The following OR10J1 variants were observed in gnomAD, a reference collection of about 807,000 sequenced individuals.
OR10J1 encodes the protein olfactory receptor 10J1.
For missense variants in OR10J1, 474 were observed against 376.6 expected, an observed-to-expected ratio of 1.26 and a Z score of -2.14; for synonymous variants, 202 against 143.8, an observed-to-expected ratio of 1.40 and a Z score of -2.89.
chr1:159,420,235 T>C, the OR10J1 span, among the ~76,000 whole-genome samples: 12 of 152,310 alleles, frequency 7.9e-5, 1 homozygote, highest in South Asian at 2.1e-3. Context: ...ATAATTTTCA[T>C]AGGCAGCATA....
the OR10J1 span, among the ~76,000 whole-genome samples, chr1:159,418,354 C>T: frequency 6.6e-6 from 1 of 152,222 alleles, no homozygotes; most frequent in Non-Finnish European, 1.5e-5. Flanking sequence ...CCAGGGACCC[C>T]TGTTATGCAC....
upstream of OR10J1, among the ~76,000 whole-genome samples, chr1:159,436,822 C>T (rs1655750315): frequency 3.3e-5 from 5 of 152,120 alleles, no homozygotes; most frequent in Admixed American, 3.3e-4. Context: ...TTTACCTATA[C>T]AATGTAATTT....
Position 159,440,334 on chromosome 1 carries a change from C to T in OR10J1, c.543C>T (p.Arg181=), listed in dbSNP as rs764179544. 15 of 1,614,048 alleles carry T rather than the reference C, an allele frequency of 9.3e-6. No homozygotes were observed. Among genetic ancestry groups the T allele is most frequent in the Admixed American group, 1.7e-5 (1 of 60,004 alleles). ...TGCCCCACTTCTTCTGTGACATCCG[C>T]CCTGTGATGAAGCTCTCCTGCATTG... ...RKVPHFFCDI[R]PVMKLSCIDT... The change falls in exon 1 of 1, where the codon CGC becomes CGT. Residue 181 remains arginine, a synonymous_variant. Transcript: ENST00000423932.
Position 159,439,886 on chromosome 1 carries a change from T to C in OR10J1, c.95T>C (p.Leu32Pro). The change falls in exon 1 of 1, where the codon CTT becomes CCT. Residue 32 changes from leucine (L) to proline (P), a missense_variant. Physicochemically the swap from Leu to Pro is moderately conservative, Grantham distance 98 (BLOSUM62 -3). Transcript: ENST00000423932. ...EQQITLFGVF[L>P]ALYILTLAGN... is the part of the protein sequence containing the mutation. ...CAGATCACCCTTTTTGGCGTGTTCC[T>C]TGCACTATACATCTTAACCTTAGCA... 1 of 1,614,204 alleles carries C rather than the reference T, an allele frequency of 6.2e-7. No homozygotes were observed.
At chr1:159,423,568 ATACTGCAGATT>A in the OR10J1 span, among the ~76,000 whole-genome samples, 1 of 152,228 alleles carries the variant, frequency 6.6e-6, no homozygotes, top group African/African-American at 2.4e-5. Context: ...TTCAAGTAAA[ATACTGCAGATT>A]TACATTTTCC....
upstream of OR10J1, among the ~76,000 whole-genome samples, chr1:159,437,504 T>A (rs1299751809): frequency 6.6e-6 from 1 of 152,096 alleles, no homozygotes; most frequent in Non-Finnish European, 1.5e-5. Flanking sequence ...AAATAAAAAA[T>A]AAACCACATG....
chr1:159,426,621 A>C, the OR10J1 span, among the ~76,000 whole-genome samples: 1 of 151,816 alleles, frequency 6.6e-6, no homozygotes, highest in Admixed American at 6.6e-5. Flanking sequence ...CAAAACATTC[A>C]ATGGTTTAGT....
chr1:159,438,004 G>C (rs1472214774), upstream of OR10J1: 1 of 152,534 alleles, frequency 6.6e-6, no homozygotes, highest in Admixed American at 6.5e-5. Flanking sequence ...GCCTCCTCCA[G>C]CCCAGCTTTC....
the OR10J1 span, among the ~76,000 whole-genome samples, chr1:159,422,406 A>G: frequency 6.6e-6 from 1 of 152,116 alleles, no homozygotes; most frequent in Non-Finnish European, 1.5e-5. Flanking sequence ...TTGTGCCTCA[A>G]CCTTGCACCA....
In OR10J1 at chr1:159,440,539, C is replaced by A; in HGVS notation, c.748C>A (p.His250Asn). 6.2e-7 allele frequency: 1 copy of A among 1,614,012 alleles called. No homozygotes were observed. The highest frequency in any genetic ancestry group is 8.5e-7 in the Non-Finnish European group (1 of 1,180,000). Reference protein sequence around the residue: ...CASHLTVVIVHYSCASIAYLK... With the variant: ...CASHLTVVIVNYSCASIAYLK... ...ATCCCACCTCACTGTGGTCATTGTCCACTACAGCTGTGCCTCCATTGCCTA... is the reference window on the plus strand; with the variant it reads ...ATCCCACCTCACTGTGGTCATTGTCAACTACAGCTGTGCCTCCATTGCCTA... The change falls in exon 1 of 1, where the codon CAC (histidine) becomes AAC (asparagine). Residue 250 changes from histidine to asparagine, a missense_variant. Coordinates refer to ENST00000423932, the MANE Select transcript of OR10J1 (RefSeq NM_012351.3).
the OR10J1 span, among the ~76,000 whole-genome samples, chr1:159,414,815 A>C: frequency 6.6e-6 from 1 of 152,036 alleles, no homozygotes; most frequent in Non-Finnish European, 1.5e-5. Flanking sequence ...TTTGATTTGA[A>C]TTTCCCTGAT....
chr1:159,415,013 T>C, the OR10J1 span, among the ~76,000 whole-genome samples: 7 of 152,294 alleles, frequency 4.6e-5, no homozygotes, highest in East Asian at 1.3e-3. Flanking sequence ...TATACTCCCA[T>C]TCAATGTGTT....
At chr1:159,404,948 C>T in the OR10J1 span, among the ~76,000 whole-genome samples, 1 of 152,082 alleles carries the variant, frequency 6.6e-6, no homozygotes, top group Non-Finnish European at 1.5e-5. Context: ...ACTTTGTTTT[C>T]AGTGTGATAA....
upstream of OR10J1, chr1:159,433,251 C>T (rs930629314): frequency 5.0e-6 from 2 of 396,506 alleles, no homozygotes; most frequent in African/African-American, 2.1e-5. Context: ...ATCTAGGCAG[C>T]ATCTAGGAAT....
the OR10J1 span, among the ~76,000 whole-genome samples, chr1:159,425,396 A>T: frequency 6.6e-6 from 1 of 152,144 alleles, no homozygotes; most frequent in Non-Finnish European, 1.5e-5. Flanking sequence ...TGGTGGTATT[A>T]GGCCAAAAAG....
chr1:159,412,515 C>T, the OR10J1 span, among the ~76,000 whole-genome samples: 16 of 130,102 alleles, frequency 1.2e-4, no homozygotes, highest in Non-Finnish European at 2.6e-4. Flanking sequence ...CAGAACAGAG[C>T]CCTCAGAAAT....
chr1:159,419,726 G>C, the OR10J1 span, among the ~76,000 whole-genome samples: 2 of 152,148 alleles, frequency 1.3e-5, no homozygotes, highest in Admixed American at 6.6e-5. Context: ...AATTTGTTGA[G>C]ACTTGTTTTG....
the OR10J1 span, among the ~76,000 whole-genome samples, chr1:159,414,181 G>T: frequency 6.6e-6 from 1 of 152,046 alleles, no homozygotes; most frequent in Non-Finnish European, 1.5e-5. Context: ...TGTGGACCAT[G>T]AGAATTTATA....
At chr1:159,424,846 T>C in the OR10J1 span, among the ~76,000 whole-genome samples, 1 of 151,954 alleles carries the variant, frequency 6.6e-6, no homozygotes, top group Non-Finnish European at 1.5e-5. Context: ...TTGAAAAATA[T>C]AAATTGCCAG....
Sources: allele counts gnomAD v4.1 joint callset (sites outside exome capture counted in the v4.1 genomes callset), GRCh38; gene constraint gnomAD v4.1.1; transcripts MANE v1.5; gene names NCBI Gene and HGNC (gene_info 2026-07-23, HGNC 2026-07-21).